ZNF257: variants seen among roughly 807,000 people sequenced by gnomAD.
ZNF257 encodes zinc finger protein 257.
ZNF257 carries 12 observed loss-of-function variants against 11.9 expected under a neutral mutation model. That is an observed-to-expected ratio of 1.01 (90% confidence interval 0.65 to 1.63). The LOEUF (loss-of-function observed/expected upper bound fraction) is 1.63. Among genes scored for constraint, ZNF257 ranks in the 40% most tolerant of loss-of-function variants. The pLI, the probability that ZNF257 is intolerant of heterozygous loss-of-function variation, is 0.00. For missense variants in ZNF257, 580 were observed against 665.5 expected (o/e 0.87, Z 1.41); for synonymous variants, 183 against 222.7 (o/e 0.82, Z 1.59).
chr19:22,073,115 A>G (rs1025748149), intron 2 of ZNF257, among the ~76,000 whole-genome samples, 180 bp downstream of exon 2: 3 of 151,978 alleles, frequency 2.0e-5, no homozygotes, highest in East Asian at 1.9e-4. Context: ...TGTAGAAAAA[A>G]AAATTTCTTC....
At chr19:22,070,717 G>C (rs2022083577) in intron 1 of ZNF257, among the ~76,000 whole-genome samples, 1 of 152,144 alleles carries the variant, frequency 6.6e-6, no homozygotes, top group Admixed American at 6.5e-5. Flanking sequence ...ACTCTGTGCT[G>C]TGCCTGCTTT....
intron 1 of ZNF257, among the ~76,000 whole-genome samples, chr19:22,059,031 A>G (rs763327926): frequency 6.6e-6 from 1 of 151,970 alleles, no homozygotes; most frequent in Non-Finnish European, 1.5e-5. Flanking sequence ...TCGTAATCTC[A>G]TCTGCCTGCA....
At chr19:22,074,709 A>T (rs1348339877) in intron 3 of ZNF257, among the ~76,000 whole-genome samples, 1 of 151,446 alleles carries the variant, frequency 6.6e-6, no homozygotes, top group Non-Finnish European at 1.5e-5. Context: ...ATTTTACCAG[A>T]TAGTTTGTTT....
At chr19:22,070,420 T>A (rs1161577261) in intron 1 of ZNF257, among the ~76,000 whole-genome samples, 19 of 152,160 alleles carry the variant, frequency 1.2e-4, no homozygotes, top group Non-Finnish European at 1.5e-5. Context: ...AAACACTTAG[T>A]ACCAATTCCC....
At chr19:22,071,138 T>A (rs2145700964) in intron 1 of ZNF257, among the ~76,000 whole-genome samples, 1 of 152,232 alleles carries the variant, frequency 6.6e-6, no homozygotes, top group East Asian at 1.9e-4. Context: ...ACAGGGCATG[T>A]TCTGTTTGGG....
At chr19:22,086,658 T>A (rs2145719230) in intron 3 of ZNF257, among the ~76,000 whole-genome samples, 1 of 152,002 alleles carries the variant, frequency 6.6e-6, no homozygotes, top group East Asian at 1.9e-4. Flanking sequence ...GTCTTTTTTT[T>A]TTATTTATTT....
At chr19:22,080,534 A>G (rs1288684203) in intron 3 of ZNF257, among the ~76,000 whole-genome samples, 1 of 152,004 alleles carries the variant, frequency 6.6e-6, no homozygotes, top group East Asian at 1.9e-4. Context: ...CCTCACCAGA[A>G]GCAGATGTTG....
rs58613357 is a variant in ZNF257 at position 22,059,643 on chromosome 19, C to CTT, written c.3+7023_3+7024dup. ...CAAAGGACATGATTTTGTTTCTTTT[C>CTT]TTTTTTTTTTTTTTTTAATGGCCAC... is the stretch of plus-strand genomic sequence containing the variant. On this transcript the variant is annotated intron_variant, in intron 1 of 3. Transcript: ENST00000594947. Among the ~76,000 whole-genome samples, 489 of 136,884 alleles carry CTT rather than the reference C, an allele frequency of 3.6e-3. 1 individual carries two copies. Among genetic ancestry groups the CTT allele is most frequent in the African/African-American group, 8.7e-3 (326 of 37,478 alleles). 89.8% of individuals were successfully genotyped at this position (136,884 alleles called of 152,430 possible). A position where few individuals can be genotyped will look rare whatever the true frequency, so the allele number is the denominator to read the frequency against.
At chr19:22,062,381 C>T (rs1366303074) in intron 1 of ZNF257, among the ~76,000 whole-genome samples, 1 of 151,950 alleles carries the variant, frequency 6.6e-6, no homozygotes, top group Non-Finnish European at 1.5e-5. Context: ...GCCTCGGCCT[C>T]CCAAAGTGCT....
chr19:22,071,452 A>G (rs1399842042), intron 1 of ZNF257, among the ~76,000 whole-genome samples: 2 of 152,010 alleles, frequency 1.3e-5, no homozygotes, highest in Non-Finnish European at 2.9e-5. Flanking sequence ...TCTGAGCAAG[A>G]ATTCCAGAGG....
chr19:22,057,650 A>G (rs142768823), intron 1 of ZNF257, among the ~76,000 whole-genome samples: 11 of 152,364 alleles, frequency 7.2e-5, no homozygotes, highest in Admixed American at 7.2e-4. Context: ...ACTAACAATA[A>G]TATCTTTAAG....
chr19:22,063,385 T>G (rs1251554085), intron 1 of ZNF257, among the ~76,000 whole-genome samples: 1 of 152,176 alleles, frequency 6.6e-6, no homozygotes, highest in Non-Finnish European at 1.5e-5. Context: ...TGGTTATTTT[T>G]TGCATTCTGC....
chr19:22,055,619 AGTTTC>A (rs2021610377), intron 1 of ZNF257, among the ~76,000 whole-genome samples: 1 of 152,210 alleles, frequency 6.6e-6, no homozygotes, highest in Non-Finnish European at 1.5e-5. Flanking sequence ...GGCATAGTGC[AGTTTC>A]TCCTGAGAGA....
intron 3 of ZNF257, among the ~76,000 whole-genome samples, chr19:22,073,955 G>A (rs2022168824): frequency 6.6e-6 from 1 of 152,108 alleles, no homozygotes; most frequent in South Asian, 2.1e-4. Context: ...GACATGAATA[G>A]AGTAGTGGTT....
At chr19:22,065,041 G>A (rs1464895402) in intron 1 of ZNF257, among the ~76,000 whole-genome samples, 1 of 144,544 alleles carries the variant, frequency 6.9e-6, no homozygotes, top group East Asian at 2.0e-4. Context: ...GCGAAAGAAC[G>A]AGACTCCGCC....
At position 22,088,828 on chromosome 19, in the gene ZNF257, A is replaced by G. The variant is rs2145722243; in HGVS notation, c.1078A>G (p.Thr360Ala). ...AGCTTTTAACCGGTCTTCACACCTT[A>G]CTCAACATAAGATAATTCATACTAA... ...GKAFNRSSHLTQHKIIHTKEK... is the reference protein window; with the variant it reads ...GKAFNRSSHLAQHKIIHTKEK... Residue 360 changes from threonine to alanine, a missense_variant, in exon 4 of 4, where the codon ACT (threonine) becomes GCT (alanine). Physicochemically the swap from Thr to Ala is moderately conservative, Grantham distance 58. Transcript: ENST00000594947. 6.2e-7 allele frequency: 1 copy of G among 1,613,170 alleles called. No individual in the cohort carries two copies. Among genetic ancestry groups the G allele is most frequent in the East Asian group, 2.2e-5 (1 of 44,756 alleles).
intron 3 of ZNF257, among the ~76,000 whole-genome samples, chr19:22,083,477 A>G (rs1476605653): frequency 6.6e-6 from 1 of 152,134 alleles, no homozygotes; most frequent in East Asian, 1.9e-4. Context: ...TCGAAAAACT[A>G]AACTCATAAC....
At chr19:22,063,527 G>GT (rs1273008397) in intron 1 of ZNF257, among the ~76,000 whole-genome samples, 1 of 152,172 alleles carries the variant, frequency 6.6e-6, no homozygotes, top group African/African-American at 2.4e-5. Flanking sequence ...TGCCTTAGCT[G>GT]TGTTGCAGCA....
In ZNF257 at chr19:22,088,574, A is replaced by G; in HGVS notation, c.824A>G (p.His275Arg). The G allele has an allele frequency of 4.3e-6, 7 of 1,613,636 alleles. 1 individual carries two copies. Among genetic ancestry groups the G allele is most frequent in the Non-Finnish European group, 5.9e-6 (7 of 1,179,856 alleles). ...AACCGGTCTTCACACATTACTCAAC[A>G]TAAGAGAATTCATAATAGAGAGAAG... ...AFNRSSHITQ[H>R]KRIHNREKPF... Residue 275 changes from histidine (H) to arginine (R), a missense_variant, in exon 4 of 4, where the codon CAT (histidine) becomes CGT (arginine). His to Arg is a conservative substitution (Grantham distance 29). Transcript: ENST00000594947.
Sources: allele counts gnomAD v4.1 joint callset (sites outside exome capture counted in the v4.1 genomes callset), GRCh38; gene constraint gnomAD v4.1.1; transcripts MANE v1.5; gene names NCBI Gene and HGNC (gene_info 2026-07-23, HGNC 2026-07-21).